Variants in CYP4X1 observed in about 807,000 individuals in gnomAD.
CYP4X1 encodes cytochrome P450 4X1.
A neutral mutation model predicts 57.9 loss-of-function variants in CYP4X1; 44 were observed. The observed-to-expected ratio is 0.76, with a 90% CI of 0.60 to 0.98. CYP4X1 has a LOEUF of 0.98. CYP4X1 is among the 50% of genes least tolerant of loss of function. The pLI, the probability that CYP4X1 is intolerant of heterozygous loss-of-function variation, is 0.00. For missense variants in CYP4X1, 532 were observed against 623.9 expected, an observed-to-expected ratio of 0.85 and a Z score of 1.57; for synonymous variants, 227 against 228.6, an observed-to-expected ratio of 0.99 and a Z score of 0.06.
At chr1:47,008,378 G>A in the CYP4X1 span, among the ~76,000 whole-genome samples, 49 of 152,326 alleles carry the variant, frequency 3.2e-4, no homozygotes, top group East Asian at 5.8e-3. Flanking sequence ...AATGCTGAGA[G>A]ATTTTGTCAC....
intron 1 of CYP4X1, among the ~76,000 whole-genome samples, chr1:47,027,042 T>A (rs1259819302): frequency 6.6e-6 from 1 of 152,238 alleles, no homozygotes; most frequent in East Asian, 1.9e-4. Flanking sequence ...ACGATGTTTT[T>A]GTATTTTTCA....
At chr1:46,984,660 A>G in the CYP4X1 span, among the ~76,000 whole-genome samples, 2 of 152,118 alleles carry the variant, frequency 1.3e-5, no homozygotes, top group Non-Finnish European at 2.9e-5. Flanking sequence ...TGCCTTGAGG[A>G]ACAGTGCATT....
chr1:47,031,453 C>G lies in CYP4X1; in HGVS notation c.337C>G (p.Leu113Val), dbSNP rs765397474. 4 of 1,613,952 alleles carry G rather than the reference C, an allele frequency of 2.5e-6. No homozygotes were observed. The highest frequency in any genetic ancestry group is 2.5e-6 in the Non-Finnish European group (3 of 1,180,008). Residue 113 changes from leucine to valine, a missense_variant, in exon 3 of 12, where the codon CTG becomes GTG. Leu to Val is a conservative substitution (Grantham distance 32). Transcript: ENST00000371901. ...LSRTDPKSQY[L>V]QKFSPPLLGK... ...CTCTGCAGATCCCAAGTCCCAGTAC[C>G]TGCAGAAATTCTCACCTCCACTTCT... is the stretch of plus-strand genomic sequence containing the variant.
the CYP4X1 span, among the ~76,000 whole-genome samples, chr1:46,997,958 G>C: frequency 6.6e-6 from 1 of 152,004 alleles, no homozygotes; most frequent in Non-Finnish European, 1.5e-5. Context: ...TATTGATGTT[G>C]AGCATTTTTT....
intron 1 of CYP4X1, among the ~76,000 whole-genome samples, chr1:47,026,077 C>T (rs1434821375): frequency 2.0e-5 from 3 of 151,978 alleles, no homozygotes; most frequent in Non-Finnish European, 4.4e-5. Flanking sequence ...GGATGGTTAC[C>T]AAAGGCTGGG....
the CYP4X1 span, among the ~76,000 whole-genome samples, chr1:46,977,496 CAGATTGGTGTACTCGAA>C: frequency 6.6e-6 from 1 of 152,064 alleles, no homozygotes; most frequent in South Asian, 2.1e-4. Context: ...AAATCTACAT[CAGATTGGTGTACTCGAA>C]AGTGACCGAG....
chr1:47,026,729 G>A (rs1017635643), intron 1 of CYP4X1, among the ~76,000 whole-genome samples: 9 of 150,784 alleles, frequency 6.0e-5, no homozygotes, highest in Non-Finnish European at 1.2e-4. Context: ...GTTTTTTTTT[G>A]TTTTTTGAGA....
chr1:46,963,424 C>G, the CYP4X1 span, among the ~76,000 whole-genome samples: 1 of 150,608 alleles, frequency 6.6e-6, no homozygotes, highest in African/African-American at 2.4e-5. Context: ...GTGCTTCCTT[C>G]AGGAGCTCTT....
the CYP4X1 span, among the ~76,000 whole-genome samples, chr1:47,016,376 C>T: frequency 1.4e-5 from 2 of 146,642 alleles, no homozygotes; most frequent in Admixed American, 6.8e-5. Flanking sequence ...GAGTCTTGCT[C>T]TGTTGCCCAG....
intron 8 of CYP4X1, among the ~76,000 whole-genome samples, chr1:47,045,696 A>G (rs972992405): frequency 6.6e-6 from 1 of 152,186 alleles, no homozygotes; most frequent in Non-Finnish European, 1.5e-5. Flanking sequence ...GGCTGGTACT[A>G]TTGTGATCAT....
chr1:47,010,960 A>T, the CYP4X1 span, among the ~76,000 whole-genome samples: 1 of 152,246 alleles, frequency 6.6e-6, no homozygotes, highest in Admixed American at 6.5e-5. Context: ...AAGAATCAAT[A>T]TCGTGAAAAT....
At chr1:46,992,986 G>T in the CYP4X1 span, among the ~76,000 whole-genome samples, 5 of 152,136 alleles carry the variant, frequency 3.3e-5, no homozygotes, top group Admixed American at 2.0e-4. Flanking sequence ...CAACGTGCAG[G>T]TTAGTTACAT....
chr1:47,047,490 C>G lies in CYP4X1; in HGVS notation c.1207+890C>G, dbSNP rs1023464178. Among the ~76,000 whole-genome samples, 7 of 152,300 alleles carry G rather than the reference C, an allele frequency of 4.6e-5. No homozygotes were observed. The East Asian group carries it at 7.7e-4, about 17-fold the overall frequency. On this transcript the variant is annotated intron_variant, in intron 9 of 11. Transcript: ENST00000371901. ...CTCTCCTTTGTTTTGTACTCTGTTTCTCCCCAAACCACATGGATATTTGCC... is the reference window on the plus strand; with the variant it reads ...CTCTCCTTTGTTTTGTACTCTGTTTGTCCCCAAACCACATGGATATTTGCC...
the CYP4X1 span, chr1:46,961,788 C>A: frequency 3.1e-6 from 4 of 1,297,934 alleles, no homozygotes; most frequent in Non-Finnish European, 3.0e-6. Flanking sequence ...TTGCCTTGCC[C>A]ACCCCAGACC....
Position 47,050,123 on chromosome 1 carries a change from C to G in CYP4X1, c.1479C>G (p.Leu493=), listed in dbSNP as rs1644347282. 1.9e-6 allele frequency: 3 copies of G among 1,613,934 alleles called. No homozygotes were observed. Among genetic ancestry groups the G allele is most frequent in the Non-Finnish European group, 2.5e-6 (3 of 1,180,002 alleles). Residue 493 remains leucine (L), a synonymous_variant, in exon 12 of 12, where the codon CTC becomes CTG. Transcript: ENST00000371901. ...TTACTTTCCCCAACCATTTTATCCTCAAGCCCAAGAATGGGATGTATTTGC... is the reference window on the plus strand; with the variant it reads ...TTACTTTCCCCAACCATTTTATCCTGAAGCCCAAGAATGGGATGTATTTGC... ...RPLTFPNHFI[L]KPKNGMYLHL...
the CYP4X1 span, among the ~76,000 whole-genome samples, chr1:46,963,523 T>C: frequency 6.6e-6 from 1 of 152,206 alleles, no homozygotes; most frequent in African/African-American, 2.4e-5. Flanking sequence ...TGGCTGGATA[T>C]GAAATTCTGG....
the CYP4X1 span, among the ~76,000 whole-genome samples, chr1:47,015,284 A>G: frequency 1.3e-5 from 2 of 152,212 alleles, no homozygotes; most frequent in Non-Finnish European, 2.9e-5. Context: ...TGTTGACTGG[A>G]GAAAATGATG....
At chr1:46,974,239 T>C in the CYP4X1 span, among the ~76,000 whole-genome samples, 1 of 152,154 alleles carries the variant, frequency 6.6e-6, no homozygotes, top group Non-Finnish European at 1.5e-5. Flanking sequence ...GAGAGTTTTT[T>C]TGGTATTCAC....
chr1:47,010,089 C>A, the CYP4X1 span, among the ~76,000 whole-genome samples: 1 of 152,052 alleles, frequency 6.6e-6, no homozygotes, highest in Non-Finnish European at 1.5e-5. Flanking sequence ...GATACCAAAG[C>A]CTGGCAGAGA....
Sources: gnomAD v4.1 joint callset for allele counts (sites outside exome capture counted in the v4.1 genomes callset) on GRCh38, gnomAD v4.1.1 for gene constraint, MANE v1.5 for transcripts, NCBI Gene and HGNC (gene_info 2026-07-23, HGNC 2026-07-21) for gene names.